EXOC2: variants seen among roughly 807,000 people sequenced by gnomAD.
The protein encoded by EXOC2 is SEC5-like 1.
A neutral mutation model predicts 131.8 loss-of-function variants in EXOC2; 70 were observed. The observed-to-expected ratio is 0.53, with a 90% CI of 0.44 to 0.65. The LOEUF (loss-of-function observed/expected upper bound fraction) is 0.65, where lower values mean the gene tolerates loss of function less well. EXOC2 is among the 30% of genes least tolerant of loss of function. The pLI is 0.00. For missense variants in EXOC2, 923 were observed against 1,108.6 expected, an observed-to-expected ratio of 0.83 and a Z score of 2.38; for synonymous variants, 411 against 398.4, an observed-to-expected ratio of 1.03 and a Z score of -0.38.
chr6:685,081 A>G (rs1764581520), intron 1 of EXOC2, among the ~76,000 whole-genome samples: 1 of 152,146 alleles, frequency 6.6e-6, no homozygotes, highest in South Asian at 2.1e-4. Context: ...CTATTTCGCT[A>G]ACAGATCAGA....
chr6:515,815 C>T (rs1337951133), intron 23 of EXOC2, among the ~76,000 whole-genome samples: 3 of 152,186 alleles, frequency 2.0e-5, no homozygotes, highest in Non-Finnish European at 2.9e-5. Flanking sequence ...AGGAGAGACG[C>T]ACACAGCTGG....
intron 2 of EXOC2, among the ~76,000 whole-genome samples, chr6:633,374 A>G (rs1162199079): frequency 6.6e-6 from 1 of 152,196 alleles, no homozygotes; most frequent in African/African-American, 2.4e-5. Flanking sequence ...CACCACAACA[A>G]CTATGTTGCA....
chr6:590,116 A>G (rs1456157376), intron 11 of EXOC2, among the ~76,000 whole-genome samples: 1 of 14,070 alleles, frequency 7.1e-5, no homozygotes, highest in Non-Finnish European at 6.8e-4. Context: ...CTCTGTCTGG[A>G]AAAAAAAAAA....
chr6:509,362 A>G (rs1448209390), intron 23 of EXOC2, among the ~76,000 whole-genome samples: 1 of 152,222 alleles, frequency 6.6e-6, no homozygotes, highest in Non-Finnish European at 1.5e-5. Context: ...CAAGCTATTC[A>G]GTTTTCATGG....
At chr6:568,854 C>T (rs1758119444) in intron 13 of EXOC2, among the ~76,000 whole-genome samples, 1 of 152,084 alleles carries the variant, frequency 6.6e-6, no homozygotes, top group African/African-American at 2.4e-5. Context: ...CTAAATTTTG[C>T]CACAACAATT....
At chr6:573,510 C>T (rs1758405360) in intron 12 of EXOC2, among the ~76,000 whole-genome samples, 1 of 152,142 alleles carries the variant, frequency 6.6e-6, no homozygotes, top group Admixed American at 6.5e-5. Flanking sequence ...CTAACTCCTA[C>T]TCAGCAACTT....
intron 1 of EXOC2, among the ~76,000 whole-genome samples, chr6:641,162 C>A (rs1737539): frequency 0.71 from 107,504 of 151,810 alleles, 38,702 homozygotes; most frequent in Middle Eastern, 0.88. Flanking sequence ...ACCATCTTTT[C>A]TCTCACATAA....
intron 10 of EXOC2, 140 bp downstream of exon 10, chr6:597,881 C>T: frequency 1.7e-6 from 1 of 601,386 alleles, no homozygotes; most frequent in Non-Finnish European, 2.9e-6. Context: ...GCCAGATAAC[C>T]CTAAATTTCT....
intron 1 of EXOC2, chr6:656,538 AC>A: frequency 6.2e-7 from 1 of 1,602,372 alleles, no homozygotes; most frequent in Non-Finnish European, 8.5e-7. Context: ...CCTGGGAAGC[AC>A]CCGCACGGGC....
intron 13 of EXOC2, among the ~76,000 whole-genome samples, chr6:570,235 G>GCCGCCATT (rs1554130417): frequency 6.6e-6 from 1 of 150,630 alleles, no homozygotes; most frequent in South Asian, 2.1e-4. Flanking sequence ...CCGGGTTCAC[G>GCCGCCATT]CCATTCTCCT....
rs376385720 is a variant in EXOC2, at chr6:564,717, A to G, written c.1510-15T>C. 1 of 1,586,526 alleles carries G rather than the reference A, an allele frequency of 6.3e-7. No individual in the cohort carries two copies. On this transcript the variant is annotated splice_polypyrimidine_tract_variant and intron_variant, in intron 14 of 27. Transcript: ENST00000230449. The stretch of plus-strand genomic sequence containing the variant: ...TGAATCATTTTCTAGAAAACCAGGA[A>G]CAAGCATAACCGTGTTCAAATGTGA...
intron 7 of EXOC2, among the ~76,000 whole-genome samples, chr6:608,257 C>A (rs377352911): frequency 6.6e-6 from 1 of 152,246 alleles, no homozygotes. Flanking sequence ...AGCTGCATCC[C>A]CTCCGGCTTT....
chr6:508,163 A>T (rs532986094), intron 23 of EXOC2, among the ~76,000 whole-genome samples: 4 of 152,298 alleles, frequency 2.6e-5, no homozygotes, highest in African/African-American at 9.6e-5. Context: ...TTTGAGTTTC[A>T]CAGCAAAACT....
At chr6:500,890 G>C (rs185165853) in intron 23 of EXOC2, among the ~76,000 whole-genome samples, 216 of 151,570 alleles carry the variant, frequency 1.4e-3, no homozygotes, top group Non-Finnish European at 2.1e-3. Context: ...TTTTGAACGG[G>C]CATTTGCATA....
chr6:654,649 A>G (rs1337847753), intron 1 of EXOC2, among the ~76,000 whole-genome samples: 1 of 150,982 alleles, frequency 6.6e-6, no homozygotes, highest in Non-Finnish European at 1.5e-5. Context: ...AAGAAAAATT[A>G]AAAAGTTAGC....
Position 637,687 on chromosome 6 carries a change from G to C in EXOC2, c.118+14C>G. 6.3e-7 allele frequency: 1 copy of C among 1,596,116 alleles called. No homozygotes were observed. The highest frequency in any genetic ancestry group is 1.1e-5 in the South Asian group (1 of 88,890). On this transcript the variant is annotated intron_variant, in intron 2 of 27. Coordinates refer to ENST00000230449, the MANE Select transcript of EXOC2 (RefSeq NM_018303.6). Reference sequence around the variant, plus strand: ...TCCGATTAGCAGGGTGCGTCGCAGGGCCTCTGCCCTTACCTATGAGGTCGG... The same window carrying C: ...TCCGATTAGCAGGGTGCGTCGCAGGCCCTCTGCCCTTACCTATGAGGTCGG...
At chr6:595,481 T>C (rs1021053365) in intron 10 of EXOC2, among the ~76,000 whole-genome samples, 1 of 152,102 alleles carries the variant, frequency 6.6e-6, no homozygotes, top group African/African-American at 2.4e-5. Flanking sequence ...TATTGTTGAC[T>C]TGTTTATATT....
chr6:661,087 C>A (rs1413701580), intron 1 of EXOC2, among the ~76,000 whole-genome samples: 1 of 152,024 alleles, frequency 6.6e-6, no homozygotes, highest in Non-Finnish European at 1.5e-5. Flanking sequence ...TTAACCAATC[C>A]AACAATGACA....
intron 10 of EXOC2, among the ~76,000 whole-genome samples, chr6:597,652 G>T (rs530273477): frequency 6.6e-6 from 1 of 152,326 alleles, no homozygotes; most frequent in South Asian, 2.1e-4. Flanking sequence ...CCCACCCAGT[G>T]TGTGACAGTA....
Sources: gnomAD v4.1 joint callset for allele counts (sites outside exome capture counted in the v4.1 genomes callset) on GRCh38, gnomAD v4.1.1 for gene constraint, MANE v1.5 for transcripts, NCBI Gene and HGNC (gene_info 2026-07-23, HGNC 2026-07-21) for gene names.